The following MAST4 variants were observed in gnomAD, a reference collection of about 807,000 sequenced individuals.
MAST4 encodes the protein microtubule associated serine/threonine kinase family member 4.
In MAST4, 89 loss-of-function variants were observed where a neutral mutation model predicts 162.7. The ratio of observed to expected loss-of-function variants is 0.55; its 90% CI spans 0.46 to 0.65. The LOEUF (loss-of-function observed/expected upper bound fraction) is 0.65, where lower values mean the gene tolerates loss of function less well. MAST4 is among the 30% of genes least tolerant of loss of function. The pLI is 0.00. For missense variants in MAST4, 3,153 were observed against 3,374.0 expected, an observed-to-expected ratio of 0.93 and a Z score of 1.62; for synonymous variants, 1,479 against 1,361.1, an observed-to-expected ratio of 1.09 and a Z score of -1.91.
intron 3 of MAST4, among the ~76,000 whole-genome samples, chr5:66,837,313 G>T (rs1014058719): frequency 6.6e-6 from 1 of 152,050 alleles, no homozygotes; most frequent in Non-Finnish European, 1.5e-5. Context: ...ACATGAAAAT[G>T]TACTAAAATG....
chr5:67,039,983 G>A (rs1430370145), intron 4 of MAST4, among the ~76,000 whole-genome samples: 1 of 150,742 alleles, frequency 6.6e-6, no homozygotes, highest in Non-Finnish European at 1.5e-5. Flanking sequence ...ATATATATGT[G>A]TGTGTATATA....
intron 4 of MAST4, among the ~76,000 whole-genome samples, chr5:66,926,650 A>ATGTATATATATGTGTGTG (rs1007447243): frequency 6.6e-6 from 1 of 151,710 alleles, no homozygotes; most frequent in African/African-American, 2.4e-5. Context: ...ATATGTGTAT[A>ATGTATATATATGTGTGTG]TGTATATATA....
intron 5 of MAST4, among the ~76,000 whole-genome samples, chr5:67,058,933 A>G (rs1581385108): frequency 6.6e-6 from 1 of 152,370 alleles, no homozygotes; most frequent in South Asian, 2.1e-4. Flanking sequence ...TTACTGGTTT[A>G]AACAACATGC....
chr5:66,931,390 A>C (rs925513833), intron 4 of MAST4, among the ~76,000 whole-genome samples: 6 of 151,988 alleles, frequency 3.9e-5, no homozygotes, highest in African/African-American at 1.4e-4. Context: ...CTTATCAGGA[A>C]CCTAATTCTT....
chr5:67,076,332 G>T (rs1302209653), intron 5 of MAST4, among the ~76,000 whole-genome samples: 2 of 152,174 alleles, frequency 1.3e-5, no homozygotes, highest in African/African-American at 2.4e-5. Context: ...TTTCATGCGT[G>T]TGCCAGTTTT....
intron 4 of MAST4, among the ~76,000 whole-genome samples, chr5:66,949,862 C>G (rs2150126648): frequency 6.6e-6 from 1 of 152,184 alleles, no homozygotes. Flanking sequence ...GCCTCAAATC[C>G]TAGATGGCAT....
At chr5:66,637,337 G>A (rs1262717810) in intron 1 of MAST4, among the ~76,000 whole-genome samples, 6 of 151,680 alleles carry the variant, frequency 4.0e-5, no homozygotes, top group African/African-American at 1.2e-4. Flanking sequence ...TAAATTCCTG[G>A]AAGTCAAATT....
At position 67,102,891 on chromosome 5, in the gene MAST4, A is replaced by C. The variant is rs184901263; in HGVS notation, c.1146+280A>C. Among the ~76,000 whole-genome samples, 370 of 152,236 alleles carry C rather than the reference A, an allele frequency of 2.4e-3. 1 individual carries two copies. The highest frequency in any genetic ancestry group is 0.01 in the Middle Eastern group (3 of 294). On this transcript the variant is annotated intron_variant, in intron 9 of 28. Transcript: ENST00000403625. ...GTGGGCCTGGTGAGGTGCCGTAGGG[A>C]GGGTCTACTTTGAAAGGCCTCTAGA...
intron 1 of MAST4, among the ~76,000 whole-genome samples, chr5:66,609,200 C>T (rs185631330): frequency 8.4e-4 from 127 of 151,992 alleles, no homozygotes; most frequent in African/African-American, 2.8e-3. Context: ...CTCCTGTGTC[C>T]TAGACCAACT....
chr5:66,810,952 G>A (rs1170796963), intron 3 of MAST4, among the ~76,000 whole-genome samples: 1 of 152,214 alleles, frequency 6.6e-6, no homozygotes, highest in Non-Finnish European at 1.5e-5. Context: ...TCACTTTGCA[G>A]AATGACCACA....
Position 67,165,774 on chromosome 5 carries a change from G to A in MAST4, c.6595G>A (p.Asp2199Asn). ...SSSHKPRPGPDPGPPKTKHPD... is the reference protein window; with the variant it reads ...SSSHKPRPGPNPGPPKTKHPD... ...CAGCCACAAGCCCCGGCCTGGCCCTGACCCGGGCCCTCCAAAGACTAAGCA... is the reference window on the plus strand; with the variant it reads ...CAGCCACAAGCCCCGGCCTGGCCCTAACCCGGGCCCTCCAAAGACTAAGCA... The change falls in exon 29 of 29, where the codon GAC becomes AAC. Residue 2199 changes from aspartate (D) to asparagine (N), a missense_variant. Asp to Asn is a conservative substitution (Grantham distance 23). Around this residue, in one of 7 missense-constraint regions of MAST4, gnomAD observed 1,644 missense variants for 1,495.0 expected, o/e 1.10. Coordinates refer to ENST00000403625, the MANE Select transcript of MAST4 (RefSeq NM_001164664.2). 1 of 1,603,142 alleles carries A rather than the reference G, an allele frequency of 6.2e-7. No homozygotes were observed. The highest frequency in any genetic ancestry group is 8.5e-7 in the Non-Finnish European group (1 of 1,175,214).
intron 1 of MAST4, among the ~76,000 whole-genome samples, chr5:66,675,736 G>A (rs1248262280): frequency 1.3e-5 from 2 of 152,160 alleles, no homozygotes; most frequent in Non-Finnish European, 2.9e-5. Context: ...AAAGATCCCT[G>A]TGAACTGGAA....
chr5:67,100,363 A>G lies in MAST4; in HGVS notation c.913-72A>G, dbSNP rs1168011760. On this transcript the variant is annotated intron_variant, in intron 7 of 28. Coordinates refer to ENST00000403625, the MANE Select transcript of MAST4 (RefSeq NM_001164664.2). The stretch of plus-strand genomic sequence containing the variant: ...TGGTGGTATTGTCCAAGTTTAACTC[A>G]TCGATCTCTCCTGTTCATTTGAAGA... 2.0e-6 allele frequency: 3 copies of G among 1,497,718 alleles called. No individual in the cohort carries two copies. The South Asian group carries it at 3.6e-5, about 18-fold the overall frequency. 92.8% of individuals were successfully genotyped at this position (1,497,718 alleles called of 1,614,324 possible).
intron 1 of MAST4, among the ~76,000 whole-genome samples, chr5:66,711,193 G>T (rs981833240): frequency 1.1e-4 from 17 of 152,172 alleles, no homozygotes; most frequent in South Asian, 6.2e-4. Context: ...TTTCTGCATG[G>T]TTATGCCATT....
intron 5 of MAST4, 128 bp downstream of exon 5, chr5:67,054,620 A>C: frequency 4.8e-6 from 4 of 828,220 alleles, no homozygotes; most frequent in Non-Finnish European, 7.4e-6. Flanking sequence ...TTTTATCCCT[A>C]AGTTGTTCTT....
intron 3 of MAST4, among the ~76,000 whole-genome samples, chr5:66,855,754 T>G (rs1759635849): frequency 6.6e-6 from 1 of 152,192 alleles, no homozygotes; most frequent in Non-Finnish European, 1.5e-5. Context: ...CTGTGCTCAT[T>G]GGTTGATGGT....
chr5:67,098,705 T>C (rs1764711373), intron 7 of MAST4, among the ~76,000 whole-genome samples: 1 of 152,178 alleles, frequency 6.6e-6, no homozygotes, highest in Non-Finnish European at 1.5e-5. Context: ...TAATTTTTTG[T>C]GTAAATCTTC....
intron 3 of MAST4, among the ~76,000 whole-genome samples, chr5:66,897,023 G>A (rs1005275960): frequency 6.6e-6 from 1 of 152,130 alleles, no homozygotes; most frequent in African/African-American, 2.4e-5. Context: ...ATGATAAACA[G>A]CAACTCTAAA....
intron 4 of MAST4, among the ~76,000 whole-genome samples, chr5:66,986,838 C>T (rs1251699616): frequency 1.3e-5 from 2 of 151,888 alleles, no homozygotes; most frequent in African/African-American, 4.8e-5. Flanking sequence ...TCTTGACCTC[C>T]TGGCCTCAAG....
Sources: gnomAD v4.1 joint callset for allele counts (sites outside exome capture counted in the v4.1 genomes callset) on GRCh38, gnomAD v4.1.1 for gene constraint, gnomAD v4.1.1 regional missense constraint, MANE v1.5 for transcripts, NCBI Gene and HGNC (gene_info 2026-07-23, HGNC 2026-07-21) for gene names.